Variants in MATR3 observed in about 807,000 individuals in gnomAD.
The protein encoded by MATR3 is matrin 3.
MATR3 carries 4 observed loss-of-function variants against 85.5 expected under a neutral mutation model. The ratio of observed to expected loss-of-function variants is 0.05; its 90% CI spans 0.02 to 0.11. MATR3 has a LOEUF of 0.11. Among genes scored for constraint, MATR3 ranks in the 10% least tolerant of loss-of-function variants. The pLI is 1.00. For missense variants in MATR3, 685 were observed against 1,016.1 expected, an observed-to-expected ratio of 0.67 and a Z score of 4.43; for synonymous variants, 336 against 343.1, an observed-to-expected ratio of 0.98 and a Z score of 0.23.
At chr5:139,325,320 G>A (rs200255725) in intron 12 of MATR3, 120 bp from the exon 13 acceptor site, 1 of 1,568,410 alleles carries the variant, frequency 6.4e-7, no homozygotes, top group Non-Finnish European at 8.6e-7. Flanking sequence ...GAGTATGGAA[G>A]GTTTTGTCAC....
intron 1 of MATR3, among the ~76,000 whole-genome samples, chr5:139,297,458 A>G (rs998096067): frequency 1.3e-5 from 2 of 152,220 alleles, no homozygotes; most frequent in African/African-American, 4.8e-5. Flanking sequence ...TTAAAAGTAA[A>G]ACAGAAAACA....
At chr5:139,325,286 T>TAA (rs1755792155) in intron 12 of MATR3, 154 bp from the exon 13 acceptor site, 2 of 1,552,246 alleles carry the variant, frequency 1.3e-6, no homozygotes, top group Non-Finnish European at 1.7e-6. Flanking sequence ...AAATTTGTCT[T>TAA]TCTTAACAGC....
chr5:139,294,172 A>T (rs1383862377), intron 1 of MATR3: 2 of 786,496 alleles, frequency 2.5e-6, no homozygotes, highest in Non-Finnish European at 3.5e-6. Context: ...CTAGCCCGTT[A>T]CACGCGGGCC....
chr5:139,294,050 C>A, intron 1 of MATR3: 1 of 1,248,696 alleles, frequency 8.0e-7, no homozygotes, highest in Non-Finnish European at 1.0e-6. Flanking sequence ...GGGAGGGAAA[C>A]ACGCGGCCGG....
chr5:139,329,469 C>T lies in MATR3; in HGVS notation c.*74C>T, dbSNP rs778731006. On this transcript the variant is annotated 3_prime_UTR_variant, in exon 15 of 15. Transcript: ENST00000394805. ...TTTTAATGTTAACCTTTTTTAAATA[C>T]AATACTGATAGTTAGAAGAAAACTA... 8 of 1,179,970 alleles carry T rather than the reference C, an allele frequency of 6.8e-6. No individual in the cohort carries two copies. Among genetic ancestry groups the T allele is most frequent in the African/African-American group, 1.5e-5 (1 of 66,302 alleles). The allele number at this position is 1,179,970 out of a possible 1,614,324, so 73.1% of individuals were successfully genotyped here.
In MATR3 at chr5:139,322,739, G is replaced by T; in HGVS notation, c.1920G>T (p.Lys640Asn). 2 of 1,614,114 alleles carry T rather than the reference G, an allele frequency of 1.2e-6. No individual in the cohort carries two copies. Reference sequence around the variant, plus strand: ...GTGAAGATGGTGAGAAAGACACAAAGGATGACCAGACAGAGCAGGAACCTA... The same window carrying T: ...GTGAAGATGGTGAGAAAGACACAAATGATGACCAGACAGAGCAGGAACCTA... ...KSGEDGEKDT[K>N]DDQTEQEPNM... Residue 640 changes from lysine (K) to asparagine (N), a missense_variant, in exon 12 of 15, where the codon AAG becomes AAT. Physicochemically the swap from Lys to Asn is moderately conservative, Grantham distance 94 (BLOSUM62 0). This residue lies in a region of MATR3 where 215 missense variants were observed against 194.7 expected (regional missense o/e 1.10). Transcript: ENST00000394805.
Position 139,318,905 on chromosome 5 carries a change from C to T in MATR3, c.1309-3C>T. On this transcript the variant is annotated splice_polypyrimidine_tract_variant and splice_region_variant and intron_variant, in intron 7 of 14. Transcript: ENST00000394805. ...AGAGAAATAACTTTTTGTATAATTTCAGGCATTTATTGAAATGGCAACCAC... is the reference window on the plus strand; with the variant it reads ...AGAGAAATAACTTTTTGTATAATTTTAGGCATTTATTGAAATGGCAACCAC... 6.2e-7 allele frequency: 1 copy of T among 1,601,708 alleles called. No individual in the cohort carries two copies. Among genetic ancestry groups the T allele is most frequent in the East Asian group, 2.2e-5 (1 of 44,872 alleles).
upstream of MATR3, among the ~76,000 whole-genome samples, chr5:139,290,237 G>A (rs1753827391): frequency 6.6e-6 from 1 of 151,058 alleles, no homozygotes; most frequent in South Asian, 2.1e-4. Flanking sequence ...GTGCAGTGGT[G>A]TGATCATGGC....
intron 9 of MATR3, among the ~76,000 whole-genome samples, chr5:139,321,398 C>T (rs1434504361): frequency 1.3e-5 from 2 of 152,226 alleles, no homozygotes; most frequent in African/African-American, 4.8e-5. Context: ...AGGTGAGCCA[C>T]CCGCCTTGGC....
upstream of MATR3, among the ~76,000 whole-genome samples, chr5:139,292,729 G>A (rs1451183922): frequency 6.6e-6 from 1 of 152,196 alleles, no homozygotes; most frequent in Non-Finnish European, 1.5e-5. Context: ...CACAAGGTCA[G>A]GAGATCGAGA....
chr5:139,297,599 G>A (rs989238045), intron 1 of MATR3, among the ~76,000 whole-genome samples: 14 of 152,192 alleles, frequency 9.2e-5, no homozygotes, highest in Non-Finnish European at 1.9e-4. Context: ...AAAGTTACAT[G>A]ATAAAGTGCT....
intron 12 of MATR3, among the ~76,000 whole-genome samples, chr5:139,325,070 G>A (rs1281278965): frequency 6.6e-6 from 1 of 152,024 alleles, no homozygotes; most frequent in Non-Finnish European, 1.5e-5. Flanking sequence ...GCGTGCGCCT[G>A]TAGTCCCAGC....
At chr5:139,308,456 T>G (rs1185797450) in intron 2 of MATR3, 129 bp downstream of exon 2, 1 of 1,085,242 alleles carries the variant, frequency 9.2e-7, no homozygotes, top group Non-Finnish European at 1.4e-6. Context: ...TTGAGAACAC[T>G]TACTTTATTT....
At chr5:139,326,063 A>G (rs1755838922) in intron 13 of MATR3, 100 bp from the exon 14 acceptor site, 10 of 1,160,894 alleles carry the variant, frequency 8.6e-6, no homozygotes, top group Admixed American at 4.3e-5. Flanking sequence ...GGACTTCTCA[A>G]AAACATGTTG....
chr5:139,306,142 A>T (rs1456664599), intron 1 of MATR3, among the ~76,000 whole-genome samples: 1 of 152,196 alleles, frequency 6.6e-6, no homozygotes, highest in Non-Finnish European at 1.5e-5. Context: ...TGAAGATGTT[A>T]TGTATATCTT....
intron 1 of MATR3, chr5:139,294,010 G>C: frequency 7.8e-7 from 1 of 1,286,154 alleles, no homozygotes; most frequent in South Asian, 2.4e-5. Flanking sequence ...GGCGCAACCA[G>C]CCTTCTAGGG....
At chr5:139,286,378 C>T (rs1158264390) in intron 3 of MATR3, among the ~76,000 whole-genome samples, 2 of 151,932 alleles carry the variant, frequency 1.3e-5, no homozygotes. Flanking sequence ...TGGGGTCTCA[C>T]TGTGTTGATC....
At position 139,286,792 on chromosome 5, in the gene MATR3, C is replaced by A. The variant is rs181173451; in HGVS notation, c.-178+7663C>A. On this transcript the variant is annotated intron_variant, in intron 3 of 16. Transcript: ENST00000509990. ...CTGGGAGGCGGAGGTTGCAGTGAGCCAAGATCATGCCACTATACTCCAGCC... is the reference window on the plus strand; with the variant it reads ...CTGGGAGGCGGAGGTTGCAGTGAGCAAAGATCATGCCACTATACTCCAGCC... 1.5e-3 allele frequency among the ~76,000 whole-genome samples: 224 copies of A among 150,152 alleles called. 1 individual carries two copies. Among genetic ancestry groups the A allele is most frequent in the African/African-American group, 5.4e-3 (218 of 40,698 alleles).
intron 1 of MATR3, among the ~76,000 whole-genome samples, chr5:139,302,860 G>A (rs1754520352): frequency 2.0e-5 from 3 of 152,166 alleles, no homozygotes; most frequent in South Asian, 2.1e-4. Context: ...GAAAATCTGA[G>A]CATTTCTTGC....
Sources: allele counts gnomAD v4.1 joint callset (sites outside exome capture counted in the v4.1 genomes callset), GRCh38; gene constraint gnomAD v4.1.1; regional missense constraint gnomAD v4.1.1; transcripts MANE v1.5; gene names NCBI Gene and HGNC (gene_info 2026-07-23, HGNC 2026-07-21).